ADGRV1: variants seen among roughly 807,000 people sequenced by gnomAD.
ADGRV1 encodes the protein adhesion G protein-coupled receptor V1, also known as G-protein coupled receptor 98.
In ADGRV1, 359 loss-of-function variants were observed where a neutral mutation model predicts 596.2. That is an observed-to-expected ratio of 0.60 (90% CI 0.55 to 0.66). The LOEUF (loss-of-function observed/expected upper bound fraction) is 0.66, where lower values mean the gene tolerates loss of function less well. ADGRV1 is among the 30% of genes least tolerant of loss of function. The pLI, the probability that ADGRV1 is intolerant of heterozygous loss-of-function variation, is 0.00. For missense variants in ADGRV1, 7,274 were observed against 7,575.6 expected, an observed-to-expected ratio of 0.96 and a Z score of 1.48; for synonymous variants, 2,681 against 2,679.2, an observed-to-expected ratio of 1.00 and a Z score of -0.02.
chr5:90,962,196 T>C (rs761869005), intron 83 of ADGRV1, among the ~76,000 whole-genome samples: 7 of 152,240 alleles, frequency 4.6e-5, no homozygotes, highest in Non-Finnish European at 5.9e-5. Context: ...ACATCATTAA[T>C]ATGTGAGTTA....
intron 48 of ADGRV1, among the ~76,000 whole-genome samples, chr5:90,726,752 A>T (rs952995903): frequency 6.6e-6 from 1 of 152,084 alleles, no homozygotes; most frequent in African/African-American, 2.4e-5. Flanking sequence ...AGTTTTCCAG[A>T]AAGATTCACT....
intron 1 of ADGRV1, among the ~76,000 whole-genome samples, chr5:90,578,370 CAT>C (rs1346545083): frequency 2.6e-5 from 4 of 152,126 alleles, no homozygotes; most frequent in African/African-American, 9.7e-5. Context: ...TTGAGATAAT[CAT>C]GTGGTTTTTG....
At chr5:90,662,744 A>G (rs962335446) in intron 21 of ADGRV1, among the ~76,000 whole-genome samples, 2 of 151,920 alleles carry the variant, frequency 1.3e-5, no homozygotes, top group African/African-American at 4.8e-5. Context: ...TATATCTCCC[A>G]ATGCTATCCC....
chr5:91,041,693 G>A (rs979324334), intron 85 of ADGRV1, among the ~76,000 whole-genome samples: 18 of 151,314 alleles, frequency 1.2e-4, no homozygotes, highest in Admixed American at 1.1e-3. Flanking sequence ...CCTCTTTATG[G>A]CAGAAACTGA....
intron 87 of ADGRV1, among the ~76,000 whole-genome samples, chr5:91,125,183 T>C (rs181892528): frequency 1.6e-3 from 251 of 152,286 alleles, no homozygotes; most frequent in African/African-American, 5.7e-3. Context: ...CACTCAGGAC[T>C]TGCCTCCCCT....
chr5:90,749,330 C>G (rs890901086), intron 52 of ADGRV1, among the ~76,000 whole-genome samples: 6 of 152,260 alleles, frequency 3.9e-5, no homozygotes, highest in Admixed American at 2.0e-4. Context: ...ATGAAGTGCT[C>G]ATTTTATTAA....
chr5:90,744,353 T>A (rs571630865), intron 50 of ADGRV1, among the ~76,000 whole-genome samples: 3 of 152,102 alleles, frequency 2.0e-5, no homozygotes, highest in Non-Finnish European at 2.9e-5. Context: ...ACTTTAGGAG[T>A]CATAAATTTG....
In ADGRV1 at chr5:90,750,552, A is replaced by G; in HGVS notation, c.10976A>G (p.Asn3659Ser). The change falls in exon 53 of 90, where the codon AAT becomes AGT. Residue 3659 changes from asparagine to serine, a missense_variant and splice_region_variant. Around this residue, in one of 5 missense-constraint regions of ADGRV1, gnomAD observed 3,643 missense variants for 3,809.2 expected, o/e 0.96. Coordinates refer to ENST00000405460, the MANE Select transcript of ADGRV1 (RefSeq NM_032119.4). ...DAYGIVAFAQ[N>S]SLYKQVEEME... is the part of the protein sequence containing the mutation. ...GTGACTTTCTGTGTATTTTTTCAGAATTCATTATATAAGCAAGTGGAAGAA... is the reference window on the plus strand; with the variant it reads ...GTGACTTTCTGTGTATTTTTTCAGAGTTCATTATATAAGCAAGTGGAAGAA... 2 of 1,596,912 alleles carry G rather than the reference A, an allele frequency of 1.3e-6. No individual in the cohort carries two copies. Among genetic ancestry groups the G allele is most frequent in the Non-Finnish European group, 1.7e-6 (2 of 1,170,600 alleles).
intron 1 of ADGRV1, among the ~76,000 whole-genome samples, chr5:90,569,224 C>T (rs925435114): frequency 2.6e-5 from 4 of 151,504 alleles, no homozygotes; most frequent in African/African-American, 9.7e-5. Flanking sequence ...GTAATCACCT[C>T]TTAAAGGTCC....
chr5:91,124,133 AT>A (rs2126762479), intron 87 of ADGRV1, among the ~76,000 whole-genome samples: 1 of 152,242 alleles, frequency 6.6e-6, no homozygotes, highest in East Asian at 1.9e-4. Context: ...CATGATTCAC[AT>A]AGTTATTTTT....
At chr5:90,950,297 T>A (rs979252422) in intron 83 of ADGRV1, among the ~76,000 whole-genome samples, 1 of 151,982 alleles carries the variant, frequency 6.6e-6, no homozygotes. Context: ...TGGAAAGGGG[T>A]AAGGATGGAC....
Position 90,681,332 on chromosome 5 carries a change from TC to T in ADGRV1, c.5545del (p.Gln1849LysfsTer3). ...TCATGCAGCCAGTCTAGGAGTGGCT[TC>T]CCAAATTCTAGTGACAATTGCAGCC... is the stretch of plus-strand genomic sequence containing the variant. Reference protein sequence around the residue: ...IHKRASLGVASQILVTIAASD... With the variant: ...IHKRASLGVAXQILVTIAASD... On this transcript the variant is annotated frameshift_variant, in exon 27 of 90. Transcript: ENST00000405460. LOFTEE classifies it high-confidence loss of function. 6.2e-7 allele frequency: 1 copy of T among 1,613,880 alleles called. No individual in the cohort carries two copies.
chr5:91,117,417 T>C (rs1032474400), intron 87 of ADGRV1, among the ~76,000 whole-genome samples: 4 of 152,174 alleles, frequency 2.6e-5, no homozygotes, highest in African/African-American at 9.7e-5. Flanking sequence ...TAATATTGAT[T>C]AAGTGTTTAT....
At chr5:90,809,422 C>A (rs1038357051) in intron 73 of ADGRV1, among the ~76,000 whole-genome samples, 1 of 151,706 alleles carries the variant, frequency 6.6e-6, no homozygotes, top group Non-Finnish European at 1.5e-5. Flanking sequence ...ATAGATTATG[C>A]GATAAACCCA....
chr5:90,622,715 G>T lies in ADGRV1; in HGVS notation c.558+14G>T. 4 of 1,106,468 alleles carry T rather than the reference G, an allele frequency of 3.6e-6. No individual in the cohort carries two copies. Among genetic ancestry groups the T allele is most frequent in the Non-Finnish European group, 5.1e-6 (4 of 788,796 alleles). 68.5% of individuals were successfully genotyped at this position (1,106,468 alleles called of 1,614,324 possible). ...GTGACTTTTGAGGTAAGTTTACTCT[G>T]AAGTCATTTTATTTTATTTATTTTT... On this transcript the variant is annotated intron_variant, in intron 5 of 89. Transcript: ENST00000405460.
intron 77 of ADGRV1, among the ~76,000 whole-genome samples, chr5:90,834,465 C>CT (rs1286877475): frequency 6.6e-6 from 1 of 152,146 alleles, no homozygotes; most frequent in Admixed American, 6.5e-5. Context: ...ATGCTACACT[C>CT]TCCTGGCCTG....
chr5:90,644,157 A>T (rs963598128), intron 14 of ADGRV1, among the ~76,000 whole-genome samples, 174 bp downstream of exon 14: 1 of 152,140 alleles, frequency 6.6e-6, no homozygotes, highest in African/African-American at 2.4e-5. Flanking sequence ...TTTATTTCTT[A>T]CATAGTATCG....
chr5:90,643,415 A>G (rs1580565021), intron 13 of ADGRV1, among the ~76,000 whole-genome samples: 1 of 152,200 alleles, frequency 6.6e-6, no homozygotes, highest in East Asian at 1.9e-4. Flanking sequence ...TGTTCAAAAA[A>G]AGAAATTTGA....
Position 90,756,597 on chromosome 5 carries a change from T to C in ADGRV1, c.11724T>C (p.Asp3908=). The C allele has an allele frequency of 6.2e-7, 1 of 1,613,746 alleles. No homozygotes were observed. Among genetic ancestry groups the C allele is most frequent in the Non-Finnish European group, 8.5e-7 (1 of 1,179,718 alleles). The change falls in exon 56 of 90, where the codon GAT becomes GAC. Residue 3908 remains aspartate (D), a synonymous_variant. Transcript: ENST00000405460. ...IAEIMIEEND[D]PRGIFMFHVT... is the part of the protein sequence containing the mutation. ...AGATAATGATAGAAGAAAATGACGA[T>C]CCCAGAGGAATTTTTATGTTTCATG... is the stretch of plus-strand genomic sequence containing the variant.
Sources: gnomAD v4.1 joint callset for allele counts (sites outside exome capture counted in the v4.1 genomes callset) on GRCh38, gnomAD v4.1.1 for gene constraint, gnomAD v4.1.1 regional missense constraint, MANE v1.5 for transcripts, NCBI Gene and HGNC (gene_info 2026-07-23, HGNC 2026-07-21) for gene names.